The following ARHGAP42 variants were observed in gnomAD, a reference collection of about 807,000 sequenced individuals.
ARHGAP42 encodes the protein Rho GTPase activating protein 42.
A neutral mutation model predicts 125.0 loss-of-function variants in ARHGAP42; 63 were observed. The observed-to-expected ratio is 0.50, with a 90% CI of 0.41 to 0.62. The LOEUF (loss-of-function observed/expected upper bound fraction) is 0.62, where lower values mean the gene tolerates loss of function less well. Ranked by LOEUF, ARHGAP42 falls within the 20% of genes least tolerant of loss-of-function variation. ARHGAP42 has a pLI of 0.00. For synonymous variants in ARHGAP42, 339 were observed against 351.0 expected (o/e 0.97, Z 0.38); for missense variants, 766 against 1,024.2 (o/e 0.75, Z 3.44).
chr11:100,967,724 C>CT (rs543455445), intron 17 of ARHGAP42, among the ~76,000 whole-genome samples: 4 of 151,806 alleles, frequency 2.6e-5, no homozygotes, highest in African/African-American at 4.8e-5. Flanking sequence ...TGACCCTTTT[C>CT]TTTTTTTTGA....
At chr11:100,921,750 C>A in intron 6 of ARHGAP42, 146 bp downstream of exon 6, 1 of 570,802 alleles carries the variant, frequency 1.8e-6, no homozygotes, top group Non-Finnish European at 3.0e-6. Flanking sequence ...AAAAGTGGAG[C>A]ACAGGGAACT....
Position 100,992,187 on chromosome 11 carries a change from C to G in ARHGAP42, c.*3386C>G. 8.9e-7 allele frequency: 1 copy of G among 1,126,172 alleles called. No homozygotes were observed. The highest frequency in any genetic ancestry group is 1.2e-6 in the Non-Finnish European group (1 of 807,022). 69.8% of individuals were successfully genotyped at this position (1,126,172 alleles called of 1,614,324 possible). On this transcript the variant is annotated 3_prime_UTR_variant, in exon 24 of 24. Coordinates refer to ENST00000298815, the MANE Select transcript of ARHGAP42 (RefSeq NM_152432.4). The stretch of plus-strand genomic sequence containing the variant: ...ACCTTAAATCATGTATTCAGGATGC[C>G]TTCTTTAGCATTTAGAACCCCAACT...
chr11:100,809,480 T>C (rs935814560), intron 3 of ARHGAP42, among the ~76,000 whole-genome samples: 1 of 152,234 alleles, frequency 6.6e-6, no homozygotes, highest in African/African-American at 2.4e-5. Context: ...CCGGTTAACA[T>C]TGTCATTTGA....
chr11:100,798,318 A>G (rs1863768968), intron 3 of ARHGAP42, among the ~76,000 whole-genome samples: 1 of 152,232 alleles, frequency 6.6e-6, no homozygotes, highest in African/African-American at 2.4e-5. Context: ...TTCATGCTAC[A>G]GAGAAATTTT....
At chr11:100,829,601 G>T (rs534698056) in intron 3 of ARHGAP42, among the ~76,000 whole-genome samples, 2 of 152,302 alleles carry the variant, frequency 1.3e-5, no homozygotes, top group South Asian at 4.1e-4. Flanking sequence ...AGGGTGGCCA[G>T]TGACTGCCAT....
chr11:100,866,782 A>T (rs545916796), intron 4 of ARHGAP42, among the ~76,000 whole-genome samples: 29 of 152,264 alleles, frequency 1.9e-4, no homozygotes, highest in African/African-American at 6.7e-4. Flanking sequence ...CAACAGTGGG[A>T]ATTACAGTTT....
At chr11:100,814,361 CAAAA>C (rs11351569) in intron 3 of ARHGAP42, among the ~76,000 whole-genome samples, 7 of 109,848 alleles carry the variant, frequency 6.4e-5, no homozygotes, top group Admixed American at 1.9e-4. Context: ...GACTCCGTCT[CAAAA>C]AAAAAAAAAA....
At chr11:100,904,619 CT>C (rs1866670582) in intron 4 of ARHGAP42, among the ~76,000 whole-genome samples, 2 of 151,934 alleles carry the variant, frequency 1.3e-5, no homozygotes, top group African/African-American at 4.8e-5. Context: ...TTCTTTTGTC[CT>C]TTTTCTCCTT....
At chr11:100,937,420 ATT>A (rs570886592) in intron 8 of ARHGAP42, among the ~76,000 whole-genome samples, 1 of 149,164 alleles carries the variant, frequency 6.7e-6, no homozygotes, top group Non-Finnish European at 1.5e-5. Flanking sequence ...GGAAATTTTT[ATT>A]TTTTTTTTAT....
chr11:100,874,080 G>A (rs1865757194), intron 4 of ARHGAP42, among the ~76,000 whole-genome samples: 1 of 152,208 alleles, frequency 6.6e-6, no homozygotes, highest in African/African-American at 2.4e-5. Context: ...TGGTCCTGCA[G>A]GTTTGGATGT....
At chr11:100,725,055 A>C (rs948548213) in intron 1 of ARHGAP42, among the ~76,000 whole-genome samples, 2 of 152,054 alleles carry the variant, frequency 1.3e-5, no homozygotes, top group Non-Finnish European at 2.9e-5. Flanking sequence ...ATTTCTTTGG[A>C]GATTTCTACG....
chr11:100,736,547 C>A (rs1411385653), intron 1 of ARHGAP42, among the ~76,000 whole-genome samples: 1 of 152,192 alleles, frequency 6.6e-6, no homozygotes, highest in Non-Finnish European at 1.5e-5. Context: ...CACATCCCTG[C>A]AGGGTGTCTC....
intron 1 of ARHGAP42, among the ~76,000 whole-genome samples, chr11:100,691,478 A>G (rs1036864103): frequency 4.6e-5 from 7 of 152,210 alleles, no homozygotes; most frequent in African/African-American, 1.7e-4. Context: ...CAAAAAGAGA[A>G]TAGACAGAAA....
intron 1 of ARHGAP42, among the ~76,000 whole-genome samples, chr11:100,690,959 T>A (rs7939039): frequency 0.016 from 2,374 of 152,284 alleles, 79 homozygotes; most frequent in African/African-American, 0.054. Flanking sequence ...AATGGTTAAT[T>A]AAGTGTATCG....
chr11:100,827,425 T>C (rs1461096562), intron 3 of ARHGAP42, among the ~76,000 whole-genome samples: 2 of 152,114 alleles, frequency 1.3e-5, no homozygotes, highest in Non-Finnish European at 2.9e-5. Flanking sequence ...TTTGTGAAGC[T>C]GATGTGGCCT....
intron 3 of ARHGAP42, among the ~76,000 whole-genome samples, chr11:100,812,517 C>T (rs1185188609): frequency 4.6e-5 from 7 of 152,058 alleles, no homozygotes; most frequent in Admixed American, 3.9e-4. Flanking sequence ...GGGAGATAAA[C>T]TAGGATAGGT....
intron 1 of ARHGAP42, among the ~76,000 whole-genome samples, chr11:100,756,765 C>G (rs923597337): frequency 3.9e-5 from 6 of 152,186 alleles, no homozygotes; most frequent in African/African-American, 1.4e-4. Context: ...TTCCTCAGTT[C>G]TGGTTGCTAA....
intron 4 of ARHGAP42, among the ~76,000 whole-genome samples, chr11:100,908,777 T>G (rs769592335): frequency 1.3e-5 from 2 of 152,222 alleles, no homozygotes; most frequent in African/African-American, 2.4e-5. Context: ...CTGGGATTGC[T>G]AGGTAAAACG....
At chr11:100,721,737 G>A (rs1482045212) in intron 1 of ARHGAP42, among the ~76,000 whole-genome samples, 1 of 152,178 alleles carries the variant, frequency 6.6e-6, no homozygotes, top group Non-Finnish European at 1.5e-5. Flanking sequence ...GCCCCTCAAA[G>A]TGCTGGAATT....
Sources: allele counts gnomAD v4.1 joint callset (sites outside exome capture counted in the v4.1 genomes callset), GRCh38; gene constraint gnomAD v4.1.1; transcripts MANE v1.5; gene names NCBI Gene and HGNC (gene_info 2026-07-23, HGNC 2026-07-21).